Variants in GPR161 observed in about 807,000 individuals in gnomAD.
The protein encoded by GPR161 is G protein-coupled receptor 161, also known as G-protein coupled receptor RE2.
Under a neutral mutation model 39.2 loss-of-function variants are expected in GPR161, and 25 were observed. The ratio of observed to expected loss-of-function variants is 0.64; its 90% confidence interval spans 0.47 to 0.89. The LOEUF (loss-of-function observed/expected upper bound fraction) is 0.89, where lower values mean the gene tolerates loss of function less well. Ranked by LOEUF, GPR161 falls within the 40% of genes least tolerant of loss-of-function variation. GPR161 has a pLI of 0.00. For missense variants in GPR161, 547 were observed against 677.8 expected (o/e 0.81, Z 2.14); for synonymous variants, 286 against 276.6 (o/e 1.03, Z -0.34).
intron 1 of GPR161, among the ~76,000 whole-genome samples, chr1:168,117,617 T>C (rs981650022): frequency 9.2e-5 from 14 of 152,240 alleles, no homozygotes; most frequent in African/African-American, 3.1e-4. Flanking sequence ...GAACAGTGCT[T>C]AGTGCTACGT....
rs201031129 is a variant in GPR161 at position 168,108,485 on chromosome 1, G to A, written c.-44-3591C>T. ...TATTTTATCCACTGAGGCCCTAGTT[G>A]TAAAAAAAAAAAAAAAAAAAAAAAA... On this transcript the variant is annotated intron_variant, in intron 1 of 5. Transcript: ENST00000682931. Among the ~76,000 whole-genome samples, 3 of 436 alleles carry A rather than the reference G, an allele frequency of 6.9e-3. No homozygotes were observed. In the Admixed American group the frequency reaches 0.17, roughly 24 times the overall value. The allele number at this position is 436 out of a possible 152,430, so 0.3% of individuals were successfully genotyped here.
In GPR161 at chr1:168,136,743, G is replaced by A. The variant is rs1699411000; in HGVS notation, c.-49C>T. The stretch of plus-strand genomic sequence containing the variant: ...CGCCCCACGCCGGGTGCTCACCGAG[G>A]AGCGGCCGCCGCGGCAGCTCAGGCC... On this transcript the variant is annotated 5_prime_UTR_variant, in exon 1 of 6. Transcript: ENST00000682931. The A allele has an allele frequency of 2.0e-6, 2 of 1,000,960 alleles. No individual in the cohort carries two copies. Among genetic ancestry groups the A allele is most frequent in the African/African-American group, 3.5e-5 (2 of 57,304 alleles). The allele number at this position is 1,000,960 out of a possible 1,614,324, so 62.0% of individuals were successfully genotyped here.
chr1:168,087,498 A>T, intron 5 of GPR161, 87 bp downstream of exon 5: 3 of 1,492,600 alleles, frequency 2.0e-6, no homozygotes, highest in Non-Finnish European at 2.8e-6. Flanking sequence ...ATATTCCGGG[A>T]TGGGAGCCAG....
chr1:168,085,618 G>GCCCCCGAAGCCGC lies in GPR161; in HGVS notation c.1490_1502dup (p.Arg503LeufsTer43). On this transcript the variant is annotated frameshift_variant, in exon 6 of 6. Coordinates refer to ENST00000682931, the MANE Select transcript of GPR161 (RefSeq NM_001375883.1). LOFTEE classifies it high-confidence loss of function. ...TCACAAGAGTTCTGCTGCCTCGGCG[G>GCCCCCGAAGCCGC]CCCCCGAAGCCGCCCCCCGGGACAG... 1.2e-6 allele frequency: 2 copies of GCCCCCGAAGCCGC among 1,614,020 alleles called. No homozygotes were observed. The highest frequency in any genetic ancestry group is 1.7e-6 in the Non-Finnish European group (2 of 1,179,944).
chr1:168,108,911 C>T (rs757635200), intron 1 of GPR161, among the ~76,000 whole-genome samples: 4 of 152,102 alleles, frequency 2.6e-5, no homozygotes, highest in South Asian at 2.1e-4. Flanking sequence ...ACTATAACCA[C>T]GCTTATGTTG....
intron 3 of GPR161, among the ~76,000 whole-genome samples, chr1:168,091,140 C>T (rs532929876): frequency 1.2e-4 from 19 of 152,026 alleles, no homozygotes; most frequent in Non-Finnish European, 1.2e-4. Context: ...TGAGCTGACC[C>T]GGAATAGAGA....
chr1:168,084,810 T>C lies in GPR161; in HGVS notation c.*721A>G. ...GAAATGAAACACCTAGTACCTGCCC[T>C]TCCTCTTGTCTTTTATAGTGGTTTC... On this transcript the variant is annotated 3_prime_UTR_variant, in exon 6 of 6. Coordinates refer to ENST00000682931, the MANE Select transcript of GPR161 (RefSeq NM_001375883.1). 1 of 456,246 alleles carries C rather than the reference T, an allele frequency of 2.2e-6. No individual in the cohort carries two copies. The highest frequency in any genetic ancestry group is 4.4e-6 in the Non-Finnish European group (1 of 226,968). The allele number at this position is 456,246 out of a possible 1,614,324, so 28.3% of individuals were successfully genotyped here.
chr1:168,101,143 T>G (rs1696067181), intron 2 of GPR161, among the ~76,000 whole-genome samples: 1 of 152,042 alleles, frequency 6.6e-6, no homozygotes, highest in Non-Finnish European at 1.5e-5. Flanking sequence ...TTTATTTTTA[T>G]TATACTTTAA....
At chr1:168,104,966 A>C in intron 1 of GPR161, 72 bp from the exon 2 acceptor site, 4 of 1,182,154 alleles carry the variant, frequency 3.4e-6, no homozygotes, top group Non-Finnish European at 4.8e-6. Flanking sequence ...CTTAGGGAAG[A>C]AAGGCTTAAA....
chr1:168,112,647 A>G (rs917557201), intron 1 of GPR161, among the ~76,000 whole-genome samples: 21 of 152,006 alleles, frequency 1.4e-4, no homozygotes, highest in African/African-American at 4.6e-4. Context: ...ACTTGAGGTC[A>G]GGAGTTCGGG....
chr1:168,110,569 AAAGAAAAGAAAAG>A lies in GPR161; in HGVS notation c.-44-5688_-44-5676del, dbSNP rs1697068751. ...AAAGAAAAGAAAAGAAAAGAAAAGAAAAGAAAAGAAAAGAAAAGAAAAGAAAAGAGACAATAAA... is the reference window on the plus strand; with the variant it reads ...AAAGAAAAGAAAAGAAAAGAAAAGAAAAAAGAAAAGAAAAGAGACAATAAA... On this transcript the variant is annotated intron_variant, in intron 1 of 5. Transcript: ENST00000682931. Among the ~76,000 whole-genome samples, 3 of 118,916 alleles carry A rather than the reference AAAGAAAAGAAAAG, an allele frequency of 2.5e-5. No individual in the cohort carries two copies. In the South Asian group the frequency reaches 7.5e-4, roughly 30 times the overall value. 78.0% of individuals were successfully genotyped at this position (118,916 alleles called of 152,430 possible). A position where few individuals can be genotyped will look rare whatever the true frequency, so the allele number is the denominator to read the frequency against.
chr1:168,119,672 C>T (rs1041303185), intron 1 of GPR161, among the ~76,000 whole-genome samples: 3 of 152,090 alleles, frequency 2.0e-5, no homozygotes, highest in Admixed American at 6.5e-5. Context: ...CTCTGTGTCC[C>T]CACCCAAATC....
chr1:168,089,558 C>T (rs1408388990), intron 4 of GPR161: 1 of 152,480 alleles, frequency 6.6e-6, no homozygotes, highest in East Asian at 1.9e-4. Context: ...CAAAGGCTCC[C>T]AAGAGCAGAG....
intron 1 of GPR161, among the ~76,000 whole-genome samples, chr1:168,108,215 A>C (rs1275884134): frequency 6.6e-6 from 1 of 152,054 alleles, no homozygotes; most frequent in African/African-American, 2.4e-5. Flanking sequence ...GGGAACTAAG[A>C]GTTAGAACTC....
chr1:168,092,278 C>T (rs1410788017), intron 3 of GPR161, among the ~76,000 whole-genome samples: 1 of 152,196 alleles, frequency 6.6e-6, no homozygotes, highest in Non-Finnish European at 1.5e-5. Flanking sequence ...GGGGCATCTC[C>T]TGCCAGCTGG....
intron 1 of GPR161, among the ~76,000 whole-genome samples, chr1:168,125,373 G>A (rs1393091712): frequency 6.6e-6 from 1 of 152,160 alleles, no homozygotes; most frequent in African/African-American, 2.4e-5. Flanking sequence ...AGCTGTAGGA[G>A]GGAAACTGCT....
chr1:168,084,464 A>T lies in GPR161; in HGVS notation c.*1067T>A. The T allele has an allele frequency of 3.5e-6, 1 of 289,292 alleles. No individual in the cohort carries two copies. Among genetic ancestry groups the T allele is most frequent in the Non-Finnish European group, 6.7e-6 (1 of 150,336 alleles). The allele number at this position is 289,292 out of a possible 1,614,324, so 17.9% of individuals were successfully genotyped here. ...AGAAAGGTGACAAGATGTCCAAATG[A>T]CATGTGCACACAAAGACAGAGCTGG... On this transcript the variant is annotated 3_prime_UTR_variant, in exon 6 of 6. Transcript: ENST00000682931.
intron 1 of GPR161, among the ~76,000 whole-genome samples, chr1:168,108,486 TAAAAAAAAAAAAAAA>T (rs10670498): frequency 5.7e-5 from 1 of 17,478 alleles, no homozygotes; most frequent in Non-Finnish European, 8.8e-5. Flanking sequence ...GCCCTAGTTG[TAAAAAAAAAAAAAAA>T]AAAAAAAAAA....
chr1:168,100,537 G>A (rs1695996385), intron 2 of GPR161, among the ~76,000 whole-genome samples: 1 of 152,146 alleles, frequency 6.6e-6, no homozygotes, highest in South Asian at 2.1e-4. Flanking sequence ...TGACGTCACA[G>A]GTAACTGAAA....
Sources: gnomAD v4.1 joint callset for allele counts (sites outside exome capture counted in the v4.1 genomes callset) on GRCh38, gnomAD v4.1.1 for gene constraint, MANE v1.5 for transcripts, NCBI Gene and HGNC (gene_info 2026-07-23, HGNC 2026-07-21) for gene names.